EIF3E: variants seen among roughly 807,000 people sequenced by gnomAD.
EIF3E encodes the protein eIF-3 p48.
A neutral mutation model predicts 59.3 loss-of-function variants in EIF3E; 25 were observed. The ratio of observed to expected loss-of-function variants is 0.42; its 90% confidence interval spans 0.31 to 0.59. The LOEUF (loss-of-function observed/expected upper bound fraction) is 0.59. EIF3E is among the 20% of genes least tolerant of loss of function. The probability of loss-of-function intolerance (pLI) is 0.15; values close to 1 mark genes in which losing one functional copy is unlikely to be tolerated. For synonymous variants in EIF3E, 176 were observed against 170.2 expected (o/e 1.03, Z -0.26); for missense variants, 317 against 534.3 (o/e 0.59, Z 4.01).
At chr8:108,219,596 C>A (rs1300589794) in intron 7 of EIF3E, among the ~76,000 whole-genome samples, 1 of 152,102 alleles carries the variant, frequency 6.6e-6, no homozygotes. Context: ...GTAAAAACGG[C>A]CAGGTGCCAT....
chr8:108,225,339 T>C (rs1352841188), intron 7 of EIF3E, among the ~76,000 whole-genome samples: 1 of 151,588 alleles, frequency 6.6e-6, no homozygotes, highest in Non-Finnish European at 1.5e-5. Flanking sequence ...AACCCGTTTC[T>C]ATGGGTCTGG....
At chr8:108,216,980 G>A (rs908238533) in intron 8 of EIF3E, among the ~76,000 whole-genome samples, 2 of 152,044 alleles carry the variant, frequency 1.3e-5, no homozygotes, top group African/African-American at 4.8e-5. Context: ...CTATTGAAAC[G>A]GTATTGTATA....
At chr8:108,242,193 C>T (rs374510906) in intron 1 of EIF3E, 12 of 1,325,778 alleles carry the variant, frequency 9.1e-6, no homozygotes, top group East Asian at 4.8e-5. Flanking sequence ...TTATGTGTCC[C>T]TACAAACCAT....
chr8:108,202,878 G>A, intron 12 of EIF3E, 105 bp downstream of exon 12: 1 of 1,320,372 alleles, frequency 7.6e-7, no homozygotes, highest in Non-Finnish European at 1.0e-6. Context: ...TATCTTTAAA[G>A]AGAAAAACAA....
chr8:108,242,997 A>T (rs1315354777), intron 1 of EIF3E, among the ~76,000 whole-genome samples: 1 of 152,216 alleles, frequency 6.6e-6, no homozygotes, highest in Non-Finnish European at 1.5e-5. Flanking sequence ...GAGGCATCCA[A>T]AACAAATGGG....
At chr8:108,248,265 G>C (rs1041370286) in intron 1 of EIF3E, among the ~76,000 whole-genome samples, 1 of 152,130 alleles carries the variant, frequency 6.6e-6, no homozygotes, top group Non-Finnish European at 1.5e-5. Flanking sequence ...AGCACTCCAG[G>C]TTGCTTTTAC....
At chr8:108,231,841 GTCTTT>G (rs560427511) in intron 5 of EIF3E, 1 of 151,552 alleles carries the variant, frequency 6.6e-6, no homozygotes, top group African/African-American at 2.4e-5. Context: ...AAATCCACGA[GTCTTT>G]TCTTTTTTTT....
intron 2 of EIF3E, 63 bp from the exon 3 acceptor site, chr8:108,240,138 G>C (rs749111275): frequency 1.3e-5 from 17 of 1,329,338 alleles, no homozygotes; most frequent in Middle Eastern, 3.6e-4. Flanking sequence ...TACTCATCAT[G>C]AGAATGTCTG....
At chr8:108,240,518 T>C (rs1815814757) in intron 2 of EIF3E, among the ~76,000 whole-genome samples, 1 of 152,222 alleles carries the variant, frequency 6.6e-6, no homozygotes, top group South Asian at 2.1e-4. Context: ...TATTACAGGT[T>C]ATCAACTAGG....
intron 7 of EIF3E, among the ~76,000 whole-genome samples, chr8:108,224,660 T>C (rs906712768): frequency 6.6e-6 from 1 of 151,608 alleles, no homozygotes; most frequent in Non-Finnish European, 1.5e-5. Context: ...CTGAGTAGTT[T>C]TCTTTTCCAC....
rs573401270 is a variant in EIF3E, at chr8:108,242,719, C to T, written c.91-806G>A. 2.7e-5 allele frequency: 27 copies of T among 1,008,970 alleles called. 1 individual carries two copies. In the African/African-American group the frequency reaches 3.6e-4, roughly 14 times the overall value. 62.5% of individuals were successfully genotyped at this position (1,008,970 alleles called of 1,614,324 possible). A position where few individuals can be genotyped will look rare whatever the true frequency, so the allele number is the denominator to read the frequency against. ...CTATAAATGAGTAAGACAAGACAGA[C>T]CTTGCAATTGAAATGGCTAAAAGAT... is the stretch of plus-strand genomic sequence containing the variant. On this transcript the variant is annotated intron_variant, in intron 1 of 12. Transcript: ENST00000220849.
Position 108,222,623 on chromosome 8 carries a change from TTC to T in EIF3E, c.723-5165_723-5164del, listed in dbSNP as rs537316638. Among the ~76,000 whole-genome samples the T allele has an allele frequency of 1.3e-3, 203 of 152,342 alleles. 1 individual carries two copies. Among genetic ancestry groups the T allele is most frequent in the African/African-American group, 4.8e-3 (199 of 41,578 alleles). On this transcript the variant is annotated intron_variant, in intron 7 of 12. Coordinates refer to ENST00000220849, the MANE Select transcript of EIF3E (RefSeq NM_001568.3). Reference sequence around the variant, plus strand: ...GTTTTACTTCCCTGGCTTATCTCTCTTCTCTGTCCAACCAAATTTAAGACAGA... The same window carrying T: ...GTTTTACTTCCCTGGCTTATCTCTCTTCTGTCCAACCAAATTTAAGACAGA...
intron 1 of EIF3E, 82 bp downstream of exon 1, chr8:108,248,531 T>A (rs1054878462): frequency 7.1e-7 from 1 of 1,413,548 alleles, no homozygotes; most frequent in Admixed American, 1.8e-5. Context: ...GTGTCAGGCC[T>A]AGGACTACAG....
rs1397462273 is a variant in EIF3E at position 108,201,374 on chromosome 8, CAA to C, written c.*509_*510del. The stretch of plus-strand genomic sequence containing the variant: ...CATTTATATAACATTCTCATAATGA[CAA>C]AATATAGCGATGAGGAACAGATTAG... On this transcript the variant is annotated 3_prime_UTR_variant, in exon 13 of 13. Coordinates refer to ENST00000220849, the MANE Select transcript of EIF3E (RefSeq NM_001568.3). 1 of 151,224 alleles carries C rather than the reference CAA, an allele frequency of 6.6e-6. No individual in the cohort carries two copies. The highest frequency in any genetic ancestry group is 1.5e-5 in the Non-Finnish European group (1 of 67,868). 9.4% of individuals were successfully genotyped at this position (151,224 alleles called of 1,614,324 possible). A position where few individuals can be genotyped will look rare whatever the true frequency, so the allele number is the denominator to read the frequency against.
At chr8:108,207,724 A>G (rs1003196897) in intron 10 of EIF3E, among the ~76,000 whole-genome samples, 1 of 152,218 alleles carries the variant, frequency 6.6e-6, no homozygotes, top group African/African-American at 2.4e-5. Context: ...CTGCTGCTCA[A>G]CTGACACACA....
At chr8:108,235,219 A>G (rs1815704991) in intron 4 of EIF3E, 117 bp from the exon 5 acceptor site, 1 of 537,162 alleles carries the variant, frequency 1.9e-6, no homozygotes, top group Non-Finnish European at 3.1e-6. Context: ...CTTCTAATGT[A>G]TATTTTATGA....
intron 10 of EIF3E, among the ~76,000 whole-genome samples, chr8:108,211,633 T>C (rs941070202): frequency 1.3e-5 from 2 of 152,216 alleles, no homozygotes; most frequent in African/African-American, 4.8e-5. Context: ...CTTAATTCAT[T>C]ATATAATAAA....
intron 2 of EIF3E, among the ~76,000 whole-genome samples, chr8:108,241,402 T>G (rs1030547345): frequency 6.6e-6 from 1 of 152,026 alleles, no homozygotes; most frequent in East Asian, 1.9e-4. Flanking sequence ...GGGACCATAT[T>G]TGGAGAACAA....
At chr8:108,246,054 G>A (rs1815941742) in intron 1 of EIF3E, among the ~76,000 whole-genome samples, 1 of 152,006 alleles carries the variant, frequency 6.6e-6, no homozygotes, top group Admixed American at 6.6e-5. Context: ...AACAAGAGAT[G>A]AACAATAACA....
Sources: allele counts gnomAD v4.1 joint callset (sites outside exome capture counted in the v4.1 genomes callset), GRCh38; gene constraint gnomAD v4.1.1; transcripts MANE v1.5; gene names NCBI Gene and HGNC (gene_info 2026-07-23, HGNC 2026-07-21).